USP8: variants seen among roughly 807,000 people sequenced by gnomAD.
USP8 encodes ubiquitin specific peptidase 8.
Under a neutral mutation model 130.0 loss-of-function variants are expected in USP8, and 27 were observed. The observed-to-expected ratio is 0.21, with a 90% CI of 0.15 to 0.29. The LOEUF (loss-of-function observed/expected upper bound fraction) is 0.29, where lower values mean the gene tolerates loss of function less well. USP8 is among the 10% of genes least tolerant of loss of function. The pLI is 1.00. For synonymous variants in USP8, 392 were observed against 444.1 expected, an observed-to-expected ratio of 0.88 and a Z score of 1.48; for missense variants, 1,029 against 1,312.2, an observed-to-expected ratio of 0.78 and a Z score of 3.33.
At chr15:50,433,470 C>T (rs776329167) in intron 1 of USP8, among the ~76,000 whole-genome samples, 45 of 152,184 alleles carry the variant, frequency 3.0e-4, no homozygotes, top group Non-Finnish European at 4.7e-4. Flanking sequence ...TGCTTAAAAT[C>T]AGGACCAGTT....
At chr15:50,447,125 A>G (rs2050468842) in intron 3 of USP8, among the ~76,000 whole-genome samples, 1 of 150,308 alleles carries the variant, frequency 6.7e-6, no homozygotes, top group African/African-American at 2.5e-5. Context: ...TAAGTTATTT[A>G]TAATAATATT....
intron 11 of USP8, 110 bp from the exon 12 acceptor site, chr15:50,484,165 T>TC: frequency 1.2e-6 from 1 of 812,686 alleles, no homozygotes; most frequent in Non-Finnish European, 1.8e-6. Flanking sequence ...GCCTTTTTTT[T>TC]CTCCTTTTAC....
At chr15:50,430,441 T>C (rs1197365143) in intron 1 of USP8, among the ~76,000 whole-genome samples, 2 of 152,160 alleles carry the variant, frequency 1.3e-5, no homozygotes, top group African/African-American at 4.8e-5. Flanking sequence ...TCTCCCTCTA[T>C]TGCTCAGGCT....
chr15:50,459,251 C>A, intron 5 of USP8, 89 bp downstream of exon 5: 1 of 1,460,666 alleles, frequency 6.8e-7, no homozygotes, highest in East Asian at 2.4e-5. Context: ...CTATAAAGTT[C>A]TTTTAGGCAA....
intron 2 of USP8, among the ~76,000 whole-genome samples, chr15:50,439,659 G>T (rs183081791): frequency 6.6e-6 from 1 of 150,882 alleles, no homozygotes; most frequent in Non-Finnish European, 1.5e-5. Context: ...GCGTGGTGGC[G>T]CACATCTGTA....
At chr15:50,458,213 G>A (rs532562298) in intron 4 of USP8, among the ~76,000 whole-genome samples, 138 of 152,244 alleles carry the variant, frequency 9.1e-4, no homozygotes, top group African/African-American at 3.0e-3. Flanking sequence ...GTGCAGTCAC[G>A]TGATCTCGGC....
chr15:50,456,638 C>T (rs1490995779), intron 4 of USP8, among the ~76,000 whole-genome samples: 1 of 151,916 alleles, frequency 6.6e-6, no homozygotes, highest in Non-Finnish European at 1.5e-5. Context: ...GTAATCCCAG[C>T]ACTTTGGGAG....
rs752064695 is a variant in USP8 at position 50,498,983 on chromosome 15, T to C, written c.3252T>C (p.Asp1084=). The C allele has an allele frequency of 6.2e-6, 10 of 1,613,976 alleles. No individual in the cohort carries two copies. In the South Asian group the frequency reaches 7.7e-5, roughly 12 times the overall value. ...CAAGACAACGGTGGTTTAAGTTTGATGATCATGAAGTTTCTGATATCTCCG... is the reference window on the plus strand; with the variant it reads ...CAAGACAACGGTGGTTTAAGTTTGACGATCATGAAGTTTCTGATATCTCCG... ...NAARQRWFKF[D]DHEVSDISVS... is the part of the protein sequence containing the mutation. Residue 1084 remains aspartate, a synonymous_variant, in exon 20 of 20, where the codon GAT becomes GAC. Coordinates refer to ENST00000307179, the MANE Select transcript of USP8 (RefSeq NM_005154.5).
At chr15:50,484,882 G>T (rs1281202345) in intron 12 of USP8, among the ~76,000 whole-genome samples, 1 of 152,202 alleles carries the variant, frequency 6.6e-6, no homozygotes, top group Non-Finnish European at 1.5e-5. Context: ...AAATAAGCCA[G>T]TTTCAGGATA....
intron 1 of USP8, among the ~76,000 whole-genome samples, chr15:50,429,304 G>GTTT (rs34348433): frequency 6.0e-4 from 72 of 120,962 alleles, no homozygotes; most frequent in African/African-American, 1.9e-3. Context: ...TCCTGGAGGT[G>GTTT]TTTTTTTTTT....
chr15:50,493,566 C>T (rs2052260883), intron 15 of USP8: 2 of 494,484 alleles, frequency 4.0e-6, no homozygotes, highest in Non-Finnish European at 4.0e-6. Flanking sequence ...CCAGTCTGGG[C>T]AACAAGGCAA....
At chr15:50,435,031 A>C (rs997177095) in intron 1 of USP8, among the ~76,000 whole-genome samples, 2 of 152,202 alleles carry the variant, frequency 1.3e-5, no homozygotes, top group Non-Finnish European at 2.9e-5. Flanking sequence ...TATAAGTATC[A>C]ATGGGTTTGT....
intron 3 of USP8, among the ~76,000 whole-genome samples, chr15:50,445,357 C>A (rs941621637): frequency 6.8e-6 from 1 of 147,854 alleles, no homozygotes; most frequent in African/African-American, 2.5e-5. Flanking sequence ...ACCAGCCTGG[C>A]CAACATGGTG....
Position 50,424,448 on chromosome 15 carries a change from C to G in USP8, c.-132C>G, listed in dbSNP as rs72738957. On this transcript the variant is annotated 5_prime_UTR_variant, in exon 1 of 20. Transcript: ENST00000307179. ...TCCTGGTAGCCAAGGCTAATTCTCC[C>G]TCGAGTTCTTGGGAGATGGGCATTT... The G allele has an allele frequency of 1.0e-5, 4 of 398,620 alleles. No individual in the cohort carries two copies. Among genetic ancestry groups the G allele is most frequent in the Admixed American group, 8.8e-5 (2 of 22,726 alleles). The allele number at this position is 398,620 out of a possible 1,614,324, so 24.7% of individuals were successfully genotyped here. A position where few individuals can be genotyped will look rare whatever the true frequency, so the allele number is the denominator to read the frequency against.
rs372360794 is a variant in USP8 at position 50,433,404 on chromosome 15, CT to C, written c.-65-5601del. Among the ~76,000 whole-genome samples the C allele has an allele frequency of 3.5e-3, 540 of 152,290 alleles. 5 individuals are homozygous for C. The highest frequency in any genetic ancestry group is 0.012 in the African/African-American group (511 of 41,566). ...GATGGTGGGTGACCAACAAAGACAA[CT>C]TTTGCTTTCCTTTCAATATTGCCAA... On this transcript the variant is annotated intron_variant, in intron 1 of 19. Coordinates refer to ENST00000307179, the MANE Select transcript of USP8 (RefSeq NM_005154.5).
intron 3 of USP8, among the ~76,000 whole-genome samples, chr15:50,445,757 C>T (rs955494752): frequency 1.4e-5 from 2 of 144,924 alleles, no homozygotes; most frequent in East Asian, 2.0e-4. Flanking sequence ...CTTGGAAGGC[C>T]GAGGCAGGCG....
At chr15:50,443,319 G>A (rs2050320566) in intron 3 of USP8, among the ~76,000 whole-genome samples, 1 of 151,238 alleles carries the variant, frequency 6.6e-6, no homozygotes, top group Non-Finnish European at 1.5e-5. Context: ...GATTACAGGC[G>A]TGATCCTGTG....
chr15:50,462,189 G>T, intron 5 of USP8, 91 bp from the exon 6 acceptor site: 1 of 1,096,738 alleles, frequency 9.1e-7, no homozygotes. Flanking sequence ...TCGTTTCTTA[G>T]AGTTTCCATT....
At position 50,468,146 on chromosome 15, in the gene USP8, G is replaced by C. The variant is rs373071992; in HGVS notation, c.686+2955G>C. Among the ~76,000 whole-genome samples, 8 of 151,648 alleles carry C rather than the reference G, an allele frequency of 5.3e-5. No homozygotes were observed. The East Asian group carries it at 1.4e-3, about 26-fold the overall frequency. On this transcript the variant is annotated intron_variant, in intron 7 of 19. Transcript: ENST00000307179. The stretch of plus-strand genomic sequence containing the variant: ...ACACTGGGTTTCACCATGTTGGCCA[G>C]GCTGGTCTCGAACTCCTGACCTCAA...
Sources: gnomAD v4.1 joint callset for allele counts (sites outside exome capture counted in the v4.1 genomes callset) on GRCh38, gnomAD v4.1.1 for gene constraint, MANE v1.5 for transcripts, NCBI Gene and HGNC (gene_info 2026-07-23, HGNC 2026-07-21) for gene names.